The following ARSB variants were observed in gnomAD, a reference collection of about 807,000 sequenced individuals.
The protein encoded by ARSB is arylsulfatase B.
In ARSB, 41 loss-of-function variants were observed where a neutral mutation model predicts 50.9. The ratio of observed to expected loss-of-function variants is 0.81; its 90% CI spans 0.63 to 1.04. ARSB has a LOEUF of 1.04. ARSB is among the 50% of genes least tolerant of loss of function. ARSB has a pLI of 0.00. For synonymous variants in ARSB, 269 were observed against 284.8 expected (o/e 0.94, Z 0.56); for missense variants, 672 against 693.3 (o/e 0.97, Z 0.35).
intron 4 of ARSB, among the ~76,000 whole-genome samples, chr5:78,904,971 C>T (rs1748981670): frequency 6.6e-6 from 1 of 152,044 alleles, no homozygotes; most frequent in African/African-American, 2.4e-5. Context: ...ATTACAGGCA[C>T]GAGCCACCAC....
intron 4 of ARSB, among the ~76,000 whole-genome samples, chr5:78,899,290 A>G (rs1163439711): frequency 1.3e-5 from 2 of 152,046 alleles, no homozygotes; most frequent in Admixed American, 1.3e-4. Flanking sequence ...GCCTTGGAGT[A>G]GTCTTATTTG....
At chr5:78,838,471 A>G (rs1381745727) in intron 6 of ARSB, among the ~76,000 whole-genome samples, 1 of 152,214 alleles carries the variant, frequency 6.6e-6, no homozygotes, top group Non-Finnish European at 1.5e-5. Flanking sequence ...TAATTCTCTG[A>G]GCAGGAATCT....
chr5:78,838,655 G>A (rs1303842440), intron 6 of ARSB, among the ~76,000 whole-genome samples: 1 of 152,218 alleles, frequency 6.6e-6, no homozygotes, highest in African/African-American at 2.4e-5. Flanking sequence ...GATGAAAGCT[G>A]GGCAAAGGGT....
intron 1 of ARSB, among the ~76,000 whole-genome samples, chr5:78,975,439 G>A (rs546900598): frequency 1.4e-3 from 210 of 152,336 alleles, no homozygotes; most frequent in African/African-American, 4.8e-3. Context: ...CCGTGAAAAT[G>A]TCTTGTCCAT....
At chr5:78,979,805 C>T (rs2112564218) in intron 1 of ARSB, among the ~76,000 whole-genome samples, 1 of 152,242 alleles carries the variant, frequency 6.6e-6, no homozygotes, top group African/African-American at 2.4e-5. Context: ...CATATTAACC[C>T]AAAAGAACTT....
At chr5:78,806,846 C>A (rs1216979826) in intron 6 of ARSB, among the ~76,000 whole-genome samples, 1 of 152,208 alleles carries the variant, frequency 6.6e-6, no homozygotes, top group Admixed American at 6.5e-5. Flanking sequence ...GGAAGCTAGA[C>A]AAGACGGTTA....
At chr5:78,841,427 T>C (rs764725159) in intron 5 of ARSB, among the ~76,000 whole-genome samples, 1 of 152,106 alleles carries the variant, frequency 6.6e-6, no homozygotes, top group Non-Finnish European at 1.5e-5. Context: ...TTTTAAAGTA[T>C]TTATATTGTT....
At chr5:78,949,988 T>C (rs937569716) in intron 4 of ARSB, among the ~76,000 whole-genome samples, 4 of 152,154 alleles carry the variant, frequency 2.6e-5, no homozygotes, top group African/African-American at 9.7e-5. Context: ...TCAATCACTG[T>C]TTTCAGGGTT....
chr5:78,831,432 G>A (rs148731498), intron 6 of ARSB, among the ~76,000 whole-genome samples: 69 of 152,192 alleles, frequency 4.5e-4, no homozygotes, highest in Middle Eastern at 3.4e-3. Context: ...TGCAGAGTCA[G>A]ATTACATGTG....
intron 1 of ARSB, among the ~76,000 whole-genome samples, chr5:78,972,543 A>ACACACACACC (rs1361695118): frequency 4.3e-4 from 64 of 150,414 alleles, no homozygotes; most frequent in South Asian, 3.2e-3. Flanking sequence ...ACACACACAC[A>ACACACACACC]CCCCAAATCA....
At chr5:78,924,982 A>G (rs1277442246) in intron 4 of ARSB, among the ~76,000 whole-genome samples, 2 of 152,186 alleles carry the variant, frequency 1.3e-5, no homozygotes, top group Non-Finnish European at 2.9e-5. Flanking sequence ...TCAAAGTTCC[A>G]TATGTTTTTC....
chr5:78,964,479 C>T lies in ARSB; in HGVS notation c.627G>A (p.Met209Ile). 9 of 1,614,036 alleles carry T rather than the reference C, an allele frequency of 5.6e-6. No homozygotes were observed. The highest frequency in any genetic ancestry group is 7.6e-6 in the Non-Finnish European group (9 of 1,179,930). Reference sequence around the variant, plus strand: ...TTTTGGTGAATATGTTTGTTGAATACATATTTTTATATCCTGTTGCAACTT... The same window carrying T: ...TTTTGGTGAATATGTTTGTTGAATATATATTTTTATATCCTGTTGCAACTT... ...GEEVATGYKN[M>I]YSTNIFTKRA... The change falls in exon 3 of 8, where the codon ATG becomes ATA. Residue 209 changes from methionine to isoleucine, a missense_variant. Met to Ile is a conservative substitution (Grantham distance 10). Transcript: ENST00000264914.
chr5:78,844,354 T>C (rs993995018), intron 5 of ARSB, among the ~76,000 whole-genome samples: 5 of 152,220 alleles, frequency 3.3e-5, no homozygotes, highest in African/African-American at 1.2e-4. Context: ...GAGAAATGTC[T>C]ATTCAGATCA....
intron 6 of ARSB, among the ~76,000 whole-genome samples, chr5:78,791,811 G>C (rs1749242164): frequency 6.6e-6 from 1 of 152,174 alleles, no homozygotes; most frequent in African/African-American, 2.4e-5. Flanking sequence ...CCCACACTCT[G>C]AACTGATGCT....
At chr5:78,828,693 T>C (rs1214692599) in intron 6 of ARSB, among the ~76,000 whole-genome samples, 2 of 152,344 alleles carry the variant, frequency 1.3e-5, no homozygotes, top group South Asian at 2.1e-4. Flanking sequence ...TGTTGTATTT[T>C]TCATGAAGTC....
chr5:78,931,340 A>C (rs1196574359), intron 4 of ARSB, among the ~76,000 whole-genome samples: 2 of 152,088 alleles, frequency 1.3e-5, no homozygotes, highest in Admixed American at 6.5e-5. Flanking sequence ...TTGTTTTTTC[A>C]ACTGATAATA....
chr5:78,899,069 C>T (rs1748692707), intron 4 of ARSB, among the ~76,000 whole-genome samples: 1 of 152,076 alleles, frequency 6.6e-6, no homozygotes, highest in African/African-American at 2.4e-5. Context: ...GATAATTTTG[C>T]TGGATACAAT....
intron 1 of ARSB, among the ~76,000 whole-genome samples, chr5:78,971,740 A>G (rs371679729): frequency 6.6e-6 from 1 of 152,208 alleles, no homozygotes; most frequent in Non-Finnish European, 1.5e-5. Flanking sequence ...ACCACATGGA[A>G]TATCTTAAGT....
intron 5 of ARSB, among the ~76,000 whole-genome samples, chr5:78,860,681 C>G (rs1192800048): frequency 1.3e-5 from 2 of 152,084 alleles, no homozygotes; most frequent in African/African-American, 2.4e-5. Context: ...ACTTGACACC[C>G]TAACATCACA....
Sources: allele counts gnomAD v4.1 joint callset (sites outside exome capture counted in the v4.1 genomes callset), GRCh38; gene constraint gnomAD v4.1.1; transcripts MANE v1.5; gene names NCBI Gene and HGNC (gene_info 2026-07-23, HGNC 2026-07-21).